NPAS3: variants seen among roughly 807,000 people sequenced by gnomAD.
NPAS3 encodes the protein neuronal PAS domain protein 3.
Under a neutral mutation model 73.1 loss-of-function variants are expected in NPAS3, and 14 were observed. That is an observed-to-expected ratio of 0.19 (90% CI 0.13 to 0.30). The LOEUF is 0.30. NPAS3 is among the 10% of genes least tolerant of loss of function. The pLI, the probability that NPAS3 is intolerant of heterozygous loss-of-function variation, is 1.00. For missense variants in NPAS3, 1,096 were observed against 1,250.0 expected (o/e 0.88, Z 1.86); for synonymous variants, 620 against 541.5 (o/e 1.14, Z -2.01).
At chr14:33,056,755 GA>G (rs1349795047) in intron 2 of NPAS3, among the ~76,000 whole-genome samples, 1 of 152,164 alleles carries the variant, frequency 6.6e-6, no homozygotes, top group African/African-American at 2.4e-5. Flanking sequence ...CAAAAAAGAT[GA>G]AATTTATGCT....
intron 6 of NPAS3, among the ~76,000 whole-genome samples, chr14:33,690,513 T>TC (rs1333996811): frequency 6.6e-6 from 1 of 152,026 alleles, no homozygotes; most frequent in Non-Finnish European, 1.5e-5. Context: ...CCATTACCAA[T>TC]CCCCTGAGCC....
intron 4 of NPAS3, among the ~76,000 whole-genome samples, chr14:33,511,156 G>A (rs1314975725): frequency 6.6e-6 from 1 of 152,078 alleles, no homozygotes; most frequent in East Asian, 1.9e-4. Context: ...GAAATCCTCT[G>A]AGAGCAAGAT....
chr14:33,790,991 G>A (rs1339691192), intron 9 of NPAS3, among the ~76,000 whole-genome samples: 1 of 152,192 alleles, frequency 6.6e-6, no homozygotes, highest in African/African-American at 2.4e-5. Context: ...TGATTTTTTG[G>A]TAAACATGTT....
chr14:33,505,118 A>G (rs1482247152), intron 4 of NPAS3, among the ~76,000 whole-genome samples: 1 of 152,016 alleles, frequency 6.6e-6, no homozygotes, highest in East Asian at 1.9e-4. Flanking sequence ...GGTATATATC[A>G]TGGTCAGAGC....
intron 9 of NPAS3, among the ~76,000 whole-genome samples, chr14:33,790,550 CT>C (rs74352260): frequency 4.1e-3 from 582 of 142,512 alleles, no homozygotes; most frequent in African/African-American, 6.3e-3. Context: ...GCCAGTATGA[CT>C]TTTTTTTTTT....
intron 3 of NPAS3, among the ~76,000 whole-genome samples, chr14:33,271,126 G>A (rs1036782186): frequency 2.0e-5 from 3 of 152,176 alleles, no homozygotes; most frequent in Admixed American, 6.5e-5. Flanking sequence ...ATAGAAATAC[G>A]ACTGGATAAA....
intron 5 of NPAS3, among the ~76,000 whole-genome samples, chr14:33,668,715 A>G (rs1463102435): frequency 6.6e-6 from 1 of 152,148 alleles, no homozygotes; most frequent in Non-Finnish European, 1.5e-5. Context: ...ACTACTCCAG[A>G]GGCTGAGACC....
intron 6 of NPAS3, among the ~76,000 whole-genome samples, chr14:33,694,705 C>T (rs1443335978): frequency 1.3e-5 from 2 of 152,198 alleles, no homozygotes; most frequent in Non-Finnish European, 2.9e-5. Context: ...TTTCTGTCTA[C>T]ATTCCCAACT....
chr14:33,449,104 A>G (rs1316390113), intron 4 of NPAS3, among the ~76,000 whole-genome samples: 1 of 152,206 alleles, frequency 6.6e-6, no homozygotes, highest in Non-Finnish European at 1.5e-5. Flanking sequence ...GAGCAGGTAG[A>G]GGTGACATTG....
intron 1 of NPAS3, among the ~76,000 whole-genome samples, chr14:32,971,936 C>CTTTTTTTT (rs66998179): frequency 8.9e-6 from 1 of 112,942 alleles, no homozygotes; most frequent in African/African-American, 3.4e-5. Context: ...CAGTGGGACT[C>CTTTTTTTT]TTTTTTTTTT....
chr14:33,352,999 C>A (rs1213750223), intron 3 of NPAS3, among the ~76,000 whole-genome samples: 1 of 151,962 alleles, frequency 6.6e-6, no homozygotes, highest in Admixed American at 6.6e-5. Flanking sequence ...GAGAGGAGAG[C>A]TAAGGGGAGC....
chr14:33,267,828 A>G (rs2139995351), intron 3 of NPAS3, among the ~76,000 whole-genome samples: 1 of 152,318 alleles, frequency 6.6e-6, no homozygotes, highest in African/African-American at 2.4e-5. Flanking sequence ...GGGCATGCAG[A>G]GGAGTGCTAT....
chr14:33,389,592 G>T (rs1012695054), intron 4 of NPAS3, among the ~76,000 whole-genome samples: 1 of 152,118 alleles, frequency 6.6e-6, no homozygotes, highest in African/African-American at 2.4e-5. Flanking sequence ...TTTAGCGGGG[G>T]CTGTTGCTTG....
intron 1 of NPAS3, among the ~76,000 whole-genome samples, chr14:32,973,562 GT>G (rs1049011864): frequency 4.4e-5 from 6 of 137,580 alleles, no homozygotes; most frequent in Non-Finnish European, 7.7e-5. Context: ...TTAAGACAGA[GT>G]TTTGCTCTGT....
chr14:33,623,295 C>T (rs898007892), intron 5 of NPAS3, among the ~76,000 whole-genome samples: 3 of 152,196 alleles, frequency 2.0e-5, no homozygotes, highest in Non-Finnish European at 2.9e-5. Flanking sequence ...CCCAGTAAGC[C>T]TTCAAATTCT....
chr14:33,008,897 C>G (rs529816444), intron 1 of NPAS3, among the ~76,000 whole-genome samples: 1 of 152,098 alleles, frequency 6.6e-6, no homozygotes, highest in African/African-American at 2.4e-5. Flanking sequence ...GAATTTATAC[C>G]TGTGCTTGTG....
intron 4 of NPAS3, among the ~76,000 whole-genome samples, chr14:33,396,180 A>G (rs1047746522): frequency 6.6e-6 from 1 of 152,188 alleles, no homozygotes; most frequent in African/African-American, 2.4e-5. Flanking sequence ...AGACTCTGGC[A>G]ATATCTATAA....
At chr14:33,390,881 T>C (rs551406097) in intron 4 of NPAS3, among the ~76,000 whole-genome samples, 48 of 152,308 alleles carry the variant, frequency 3.2e-4, no homozygotes, top group Admixed American at 7.2e-4. Context: ...AAAATAGGTG[T>C]ATCCTGCCCA....
At chr14:33,251,736 G>A (rs2139895488) in intron 3 of NPAS3, among the ~76,000 whole-genome samples, 1 of 151,980 alleles carries the variant, frequency 6.6e-6, no homozygotes, top group South Asian at 2.1e-4. Context: ...AATCACAAAA[G>A]CATTATGTCC....
Sources: allele counts gnomAD v4.1 joint callset (sites outside exome capture counted in the v4.1 genomes callset), GRCh38; gene constraint gnomAD v4.1.1; transcripts MANE v1.5; gene names NCBI Gene and HGNC (gene_info 2026-07-23, HGNC 2026-07-21).